The following CNTN6 variants were observed in gnomAD, a reference collection of about 807,000 sequenced individuals.
The protein encoded by CNTN6 is contactin 6.
In CNTN6, 137 loss-of-function variants were observed where a neutral mutation model predicts 122.8. The ratio of observed to expected loss-of-function variants is 1.12; its 90% CI spans 0.97 to 1.29. The LOEUF (loss-of-function observed/expected upper bound fraction) is 1.29. Ranked by LOEUF, CNTN6 falls within the 50% of genes most tolerant of loss-of-function variation. The pLI, the probability that CNTN6 is intolerant of heterozygous loss-of-function variation, is 0.00. For synonymous variants in CNTN6, 570 were observed against 426.0 expected (o/e 1.34, Z -4.16); for missense variants, 1,634 against 1,223.4 (o/e 1.34, Z -5.01).
At chr3:1,356,652 C>T (rs910011420) in intron 12 of CNTN6, among the ~76,000 whole-genome samples, 8 of 151,728 alleles carry the variant, frequency 5.3e-5, no homozygotes, top group Admixed American at 6.6e-5. Flanking sequence ...TTTGTCATAT[C>T]GTAGTACTTG....
Position 1,231,948 on chromosome 3 carries a change from GC to G in CNTN6, c.358+3956del, listed in dbSNP as rs1204304245. 2.0e-5 allele frequency among the ~76,000 whole-genome samples: 3 copies of G among 152,216 alleles called. No homozygotes were observed. In the East Asian group the frequency reaches 5.8e-4, roughly 29 times the overall value. ...CTTTCAATTTCTTTTATTTATCAAA[GC>G]TTTTGGTGGTAAAGGTTGAACTTAG... is the stretch of plus-strand genomic sequence containing the variant. On this transcript the variant is annotated intron_variant, in intron 4 of 22. Transcript: ENST00000446702.
chr3:1,272,586 C>G (rs1410894586), intron 4 of CNTN6, among the ~76,000 whole-genome samples: 2 of 152,154 alleles, frequency 1.3e-5, no homozygotes, highest in Admixed American at 6.5e-5. Context: ...TGTACTATGT[C>G]CTACTGTAAG....
At chr3:1,303,961 T>C (rs1241197170) in intron 7 of CNTN6, among the ~76,000 whole-genome samples, 3 of 152,146 alleles carry the variant, frequency 2.0e-5, no homozygotes, top group Non-Finnish European at 4.4e-5. Flanking sequence ...CTTCCAGGCC[T>C]ATTTGAGCTC....
Position 1,276,923 on chromosome 3 carries a change from A to T in CNTN6, c.359-1490A>T, listed in dbSNP as rs529112965. Among the ~76,000 whole-genome samples, 14 of 152,332 alleles carry T rather than the reference A, an allele frequency of 9.2e-5. No homozygotes were observed. In the South Asian group the frequency reaches 2.9e-3, roughly 32 times the overall value. On this transcript the variant is annotated intron_variant, in intron 4 of 22. Transcript: ENST00000446702. ...CTTTTGCATTCAGCAAGTGGCTTTC[A>T]AGACCTCCCATATCATTGGCAATTT...
At chr3:1,207,520 C>T (rs559145801) in intron 2 of CNTN6, among the ~76,000 whole-genome samples, 2 of 152,198 alleles carry the variant, frequency 1.3e-5, no homozygotes, top group African/African-American at 4.8e-5. Flanking sequence ...GTTCAGATGT[C>T]ACCAGACCAG....
At chr3:1,107,578 A>G (rs1181246782) in intron 1 of CNTN6, among the ~76,000 whole-genome samples, 1 of 152,112 alleles carries the variant, frequency 6.6e-6, no homozygotes, top group Non-Finnish European at 1.5e-5. Context: ...AGATCAAAGT[A>G]AAATGGCTCT....
intron 2 of CNTN6, among the ~76,000 whole-genome samples, chr3:1,170,564 G>C (rs982550666): frequency 6.6e-6 from 1 of 152,158 alleles, no homozygotes; most frequent in Non-Finnish European, 1.5e-5. Context: ...AATAACCAAA[G>C]TGAAGCTTAA....
chr3:1,211,600 C>T (rs1028015833), intron 2 of CNTN6, among the ~76,000 whole-genome samples: 4 of 152,006 alleles, frequency 2.6e-5, no homozygotes, highest in African/African-American at 9.7e-5. Flanking sequence ...GGGAATAAAG[C>T]CTCTCTCCTC....
At position 1,386,327 on chromosome 3, in the gene CNTN6, G is replaced by T. The variant is rs969201783; in HGVS notation, c.2704+530G>T. Among the ~76,000 whole-genome samples the T allele has an allele frequency of 4.6e-5, 7 of 152,130 alleles. No homozygotes were observed. The East Asian group carries it at 5.8e-4, about 13-fold the overall frequency. On this transcript the variant is annotated intron_variant, in intron 20 of 22. Transcript: ENST00000446702. ...TGATCCTACAACTGTCAGACACCTA[G>T]ATCTTTCCTTTTAGGATACCTTATT...
chr3:1,260,703 C>T (rs1363377188), intron 4 of CNTN6, among the ~76,000 whole-genome samples: 1 of 151,932 alleles, frequency 6.6e-6, no homozygotes, highest in Non-Finnish European at 1.5e-5. Context: ...GGCGGTTACC[C>T]TCATGCTGTT....
chr3:1,179,721 T>G (rs929052510), intron 2 of CNTN6, among the ~76,000 whole-genome samples: 9 of 152,134 alleles, frequency 5.9e-5, no homozygotes, highest in African/African-American at 2.2e-4. Context: ...CTCCTCCCCA[T>G]GTTTTGTACA....
At chr3:1,401,320 A>C (rs1197460477) in intron 20 of CNTN6, 113 bp from the exon 21 acceptor site, 1 of 770,030 alleles carries the variant, frequency 1.3e-6, no homozygotes, top group Non-Finnish European at 2.2e-6. Flanking sequence ...AAGACATTTT[A>C]GCTCCTTCTA....
chr3:1,390,319 A>G (rs1355549415), intron 20 of CNTN6, among the ~76,000 whole-genome samples: 1 of 152,042 alleles, frequency 6.6e-6, no homozygotes. Flanking sequence ...TACTGGATAC[A>G]TAACGAAATG....
chr3:1,139,920 G>A (rs1015745558), intron 1 of CNTN6, among the ~76,000 whole-genome samples: 1 of 152,166 alleles, frequency 6.6e-6, no homozygotes, highest in African/African-American at 2.4e-5. Context: ...ATGTTCCTAA[G>A]TTAGATTTTC....
At chr3:1,211,491 G>C (rs922914545) in intron 2 of CNTN6, among the ~76,000 whole-genome samples, 3 of 152,062 alleles carry the variant, frequency 2.0e-5, no homozygotes, top group East Asian at 3.9e-4. Context: ...CTTTCTCAAG[G>C]CTGTTTTAGT....
intron 4 of CNTN6, among the ~76,000 whole-genome samples, chr3:1,233,570 T>TA (rs1301367014): frequency 6.6e-6 from 1 of 151,220 alleles, no homozygotes; most frequent in Non-Finnish European, 1.5e-5. Context: ...CACGTCTCTA[T>TA]AAAAAATACA....
chr3:1,324,692 C>A (rs1257640234), intron 8 of CNTN6, among the ~76,000 whole-genome samples: 2 of 149,560 alleles, frequency 1.3e-5, no homozygotes, highest in Admixed American at 6.6e-5. Flanking sequence ...AATAACTCAG[C>A]CTTGCATTGA....
At chr3:1,392,107 A>G (rs1694242235) in intron 20 of CNTN6, among the ~76,000 whole-genome samples, 1 of 152,250 alleles carries the variant, frequency 6.6e-6, no homozygotes, top group Admixed American at 6.5e-5. Flanking sequence ...AGTCAATTCT[A>G]AGCCAAAAGA....
In CNTN6 at chr3:1,272,038, A is replaced by AAGTCTC. The variant is rs1418965281; in HGVS notation, c.359-6373_359-6368dup. Among the ~76,000 whole-genome samples the AAGTCTC allele has an allele frequency of 7.9e-5, 12 of 152,300 alleles. 1 individual carries two copies. The highest frequency in any genetic ancestry group is 2.9e-4 in the African/African-American group (12 of 41,550). ...CCATGCTGTTCTCCTGTTAGTGAAT[A>AAGTCTC]AGTCTCACAAGATCTAATGGTTTTA... On this transcript the variant is annotated intron_variant, in intron 4 of 22. Transcript: ENST00000446702.
Sources: allele counts gnomAD v4.1 joint callset (sites outside exome capture counted in the v4.1 genomes callset), GRCh38; gene constraint gnomAD v4.1.1; transcripts MANE v1.5; gene names NCBI Gene and HGNC (gene_info 2026-07-23, HGNC 2026-07-21).